Variants in GLCCI1 observed in about 807,000 individuals in gnomAD.
GLCCI1 encodes the protein glucocorticoid induced 1.
GLCCI1 carries 24 observed loss-of-function variants against 52.2 expected under a neutral mutation model. The observed-to-expected ratio is 0.46, with a 90% CI of 0.33 to 0.65. The LOEUF (loss-of-function observed/expected upper bound fraction) is 0.65, where lower values mean the gene tolerates loss of function less well. Among genes scored for constraint, GLCCI1 ranks in the 30% least tolerant of loss-of-function variants. The probability of loss-of-function intolerance (pLI) is 0.02; values close to 1 mark genes in which losing one functional copy is unlikely to be tolerated. For synonymous variants in GLCCI1, 310 were observed against 276.5 expected, an observed-to-expected ratio of 1.12 and a Z score of -1.20; for missense variants, 704 against 701.5, an observed-to-expected ratio of 1.00 and a Z score of -0.04.
At chr7:8,077,961 G>T (rs184828604) in intron 6 of GLCCI1, among the ~76,000 whole-genome samples, 5 of 152,226 alleles carry the variant, frequency 3.3e-5, no homozygotes, top group African/African-American at 9.6e-5. Flanking sequence ...TAGGCCGGGC[G>T]CGGTGGCTCA....
intron 3 of GLCCI1, among the ~76,000 whole-genome samples, chr7:8,034,571 T>A (rs1480973696): frequency 6.6e-6 from 1 of 152,180 alleles, no homozygotes; most frequent in Non-Finnish European, 1.5e-5. Flanking sequence ...AAGTATTTCA[T>A]CAGAGAAGAG....
At chr7:8,026,559 G>A (rs1781625081) in intron 3 of GLCCI1, among the ~76,000 whole-genome samples, 1 of 152,264 alleles carries the variant, frequency 6.6e-6, no homozygotes, top group Admixed American at 6.5e-5. Context: ...AATTGCTGAT[G>A]TTACCCCTCC....
chr7:8,027,524 A>G (rs115404524), intron 3 of GLCCI1, among the ~76,000 whole-genome samples: 2,286 of 152,206 alleles, frequency 0.015, 56 homozygotes, highest in East Asian at 0.084. Flanking sequence ...CCACAAAAAA[A>G]TCACCAAAAG....
intron 1 of GLCCI1, among the ~76,000 whole-genome samples, chr7:7,984,165 A>G (rs1360422957): frequency 2.6e-5 from 4 of 152,064 alleles, no homozygotes; most frequent in South Asian, 2.1e-4. Context: ...GGCTCCAGCA[A>G]TCCTCCCATT....
intron 6 of GLCCI1, among the ~76,000 whole-genome samples, chr7:8,084,420 G>A (rs1008958975): frequency 9.2e-5 from 14 of 152,188 alleles, no homozygotes; most frequent in African/African-American, 2.4e-4. Flanking sequence ...CCCTGCGTAC[G>A]TGTTATTCAT....
At position 8,022,616 on chromosome 7, in the gene GLCCI1, G is replaced by C; in HGVS notation, c.696+47G>C. ...TCTGTAACCTGTTTTGGTCCTAGTA[G>C]ATTACCTTAGTATTTCCTGAATGTA... On this transcript the variant is annotated intron_variant, in intron 3 of 7. Transcript: ENST00000223145. 2.5e-6 allele frequency: 3 copies of C among 1,184,950 alleles called. No individual in the cohort carries two copies. In the South Asian group the frequency reaches 4.5e-5, roughly 18 times the overall value. 73.4% of individuals were successfully genotyped at this position (1,184,950 alleles called of 1,614,324 possible).
At chr7:8,003,180 A>G (rs755318898) in intron 1 of GLCCI1, among the ~76,000 whole-genome samples, 1 of 152,208 alleles carries the variant, frequency 6.6e-6, no homozygotes, top group East Asian at 1.9e-4. Flanking sequence ...TTAGGGTGCC[A>G]TGAAAGCAGA....
intron 2 of GLCCI1, among the ~76,000 whole-genome samples, chr7:8,016,929 G>A (rs1470578521): frequency 6.6e-6 from 1 of 152,146 alleles, no homozygotes; most frequent in South Asian, 2.1e-4. Context: ...TGAACATTAG[G>A]TCTGGACTGG....
chr7:8,001,656 A>G (rs992844258), intron 1 of GLCCI1, among the ~76,000 whole-genome samples: 2 of 152,240 alleles, frequency 1.3e-5, no homozygotes, highest in African/African-American at 4.8e-5. Flanking sequence ...ATGCACACGT[A>G]TGTTTATTGC....
In GLCCI1 at chr7:8,071,099, C is replaced by T. The variant is rs766857328; in HGVS notation, c.1145C>T (p.Ser382Leu). ...PPESQDGSPC[S>L]TEDLLYDRDK... ...GAATCCCAGGATGGTAGCCCTTGCT[C>T]AACAGAAGATTTGCTCTATGATCGT... Residue 382 changes from serine to leucine, a missense_variant, in exon 6 of 8, where the codon TCA becomes TTA. Coordinates refer to ENST00000223145, the MANE Select transcript of GLCCI1 (RefSeq NM_138426.4). 158 of 1,614,032 alleles carry T rather than the reference C, an allele frequency of 9.8e-5. No individual in the cohort carries two copies. The highest frequency in any genetic ancestry group is 1.3e-4 in the Non-Finnish European group (152 of 1,180,002).
chr7:7,999,793 C>T (rs571478359), intron 1 of GLCCI1, among the ~76,000 whole-genome samples: 253 of 151,994 alleles, frequency 1.7e-3, no homozygotes, highest in Non-Finnish European at 3.1e-3. Flanking sequence ...GTCCCAGCTA[C>T]TCAAGAGACT....
intron 5 of GLCCI1, among the ~76,000 whole-genome samples, chr7:8,066,409 T>C (rs1782631992): frequency 6.6e-6 from 1 of 152,100 alleles, no homozygotes; most frequent in African/African-American, 2.4e-5. Context: ...TTTATTTTTG[T>C]TATTTCTTGT....
intron 5 of GLCCI1, among the ~76,000 whole-genome samples, chr7:8,065,354 G>C (rs771253586): frequency 5.9e-5 from 9 of 152,160 alleles, no homozygotes; most frequent in Non-Finnish European, 8.8e-5. Flanking sequence ...TAAAACCAGG[G>C]ATCATGTGCC....
chr7:8,038,443 T>C (rs1278054905), intron 3 of GLCCI1, among the ~76,000 whole-genome samples: 1 of 151,976 alleles, frequency 6.6e-6, no homozygotes, highest in East Asian at 1.9e-4. Flanking sequence ...TGGAACAAAA[T>C]AGAGAACCCA....
At chr7:8,050,851 A>C in intron 3 of GLCCI1, among the ~76,000 whole-genome samples, 1 of 152,122 alleles carries the variant, frequency 6.6e-6, no homozygotes, top group East Asian at 1.9e-4. Context: ...TAACCTTTCT[A>C]CCTGTATTTC....
intron 5 of GLCCI1, among the ~76,000 whole-genome samples, chr7:8,064,401 A>G (rs1782585547): frequency 6.6e-6 from 1 of 152,156 alleles, no homozygotes; most frequent in Middle Eastern, 3.2e-3. Context: ...TTGTCAAAGA[A>G]CAGATGGTTA....
Position 7,969,796 on chromosome 7 carries a change from C to G in GLCCI1, c.446C>G (p.Pro149Arg). The G allele has an allele frequency of 6.7e-7, 1 of 1,481,698 alleles. No individual in the cohort carries two copies. The highest frequency in any genetic ancestry group is 1.2e-5 in the South Asian group (1 of 81,390). 91.8% of individuals were successfully genotyped at this position (1,481,698 alleles called of 1,614,324 possible). ...SSPERRSPGS[P>R]VCRADKAKSQ... ...CCTGAGAGACGGAGCCCCGGCTCGCCCGTGTGCAGAGGTAGCGAGCCCAAC... is the reference window on the plus strand; with the variant it reads ...CCTGAGAGACGGAGCCCCGGCTCGCGCGTGTGCAGAGGTAGCGAGCCCAAC... The change falls in exon 1 of 8, where the codon CCC (proline) becomes CGC (arginine). Residue 149 changes from proline (P) to arginine (R), a missense_variant. Pro to Arg is a moderately radical substitution (Grantham distance 103). This residue lies in a region of GLCCI1 where 547 missense variants were observed against 524.8 expected (regional missense o/e 1.04). Coordinates refer to ENST00000223145, the MANE Select transcript of GLCCI1 (RefSeq NM_138426.4). The surrounding 1 kb of genome is among the most constrained non-coding windows in gnomAD (Gnocchi z 4.9).
In GLCCI1 at chr7:7,969,231, AC is replaced by A. The variant is rs1780280750; in HGVS notation, c.-115del. 2 of 413,032 alleles carry A rather than the reference AC, an allele frequency of 4.8e-6. No individual in the cohort carries two copies. The highest frequency in any genetic ancestry group is 4.7e-5 in the African/African-American group (2 of 42,596). 25.6% of individuals were successfully genotyped at this position (413,032 alleles called of 1,614,324 possible). A position where few individuals can be genotyped will look rare whatever the true frequency, so the allele number is the denominator to read the frequency against. On this transcript the variant is annotated 5_prime_UTR_variant, in exon 1 of 8. Transcript: ENST00000223145. This position sits in a 1 kb window ranked among gnomAD's most constrained non-coding sequence, Gnocchi z 4.9. ...CCCGAGACTCCTCCCCCACAGCGAT[AC>A]CCCCGCCCCTCCCCCTTACACACTC...
intron 1 of GLCCI1, among the ~76,000 whole-genome samples, chr7:7,993,628 C>A (rs185012749): frequency 6.6e-6 from 1 of 152,110 alleles, no homozygotes; most frequent in African/African-American, 2.4e-5. Context: ...TGGGTACATT[C>A]CTTTGCTGTC....
Sources: allele counts gnomAD v4.1 joint callset (sites outside exome capture counted in the v4.1 genomes callset), GRCh38; gene constraint gnomAD v4.1.1; regional missense constraint gnomAD v4.1.1; non-coding constraint Gnocchi (gnomAD v3.1); transcripts MANE v1.5; gene names NCBI Gene and HGNC (gene_info 2026-07-23, HGNC 2026-07-21).